Variants in DSCAM observed in about 807,000 individuals in gnomAD.
DSCAM encodes the protein cell adhesion molecule DSCAM.
Under a neutral mutation model 217.7 loss-of-function variants are expected in DSCAM, and 47 were observed. The observed-to-expected ratio is 0.22, with a 90% CI of 0.17 to 0.28. The LOEUF (loss-of-function observed/expected upper bound fraction) is 0.28, where lower values mean the gene tolerates loss of function less well. Ranked by LOEUF, DSCAM falls within the 10% of genes least tolerant of loss-of-function variation. DSCAM has a pLI of 1.00. For synonymous variants in DSCAM, 1,056 were observed against 1,015.3 expected (o/e 1.04, Z -0.76); for missense variants, 2,080 against 2,618.3 (o/e 0.79, Z 4.49).
chr21:40,349,029 T>C (rs1288315625), intron 5 of DSCAM, among the ~76,000 whole-genome samples: 1 of 148,174 alleles, frequency 6.7e-6, no homozygotes, highest in Non-Finnish European at 1.5e-5. Context: ...CCCATGTACT[T>C]GGGAGGCTGA....
chr21:40,226,523 T>C (rs1360546244), intron 11 of DSCAM, among the ~76,000 whole-genome samples: 1 of 152,142 alleles, frequency 6.6e-6, no homozygotes, highest in Non-Finnish European at 1.5e-5. Context: ...GAAAGAAATA[T>C]AGATACGGAC....
intron 32 of DSCAM, among the ~76,000 whole-genome samples, chr21:40,025,915 T>G: frequency 1.3e-5 from 2 of 150,030 alleles, no homozygotes; most frequent in Non-Finnish European, 3.0e-5. Context: ...TTCTGCTAGC[T>G]TTTGAATGTG....
intron 11 of DSCAM, among the ~76,000 whole-genome samples, chr21:40,199,990 A>G (rs1184886525): frequency 1.3e-5 from 2 of 151,414 alleles, no homozygotes; most frequent in East Asian, 3.9e-4. Flanking sequence ...TCCCAGTCAC[A>G]GCGAATACTT....
intron 3 of DSCAM, among the ~76,000 whole-genome samples, chr21:40,617,447 T>C (rs2089418032): frequency 6.6e-6 from 1 of 152,046 alleles, no homozygotes; most frequent in African/African-American, 2.4e-5. Context: ...GAGTAAATGT[T>C]GCTGCTGCCA....
chr21:40,295,306 T>G (rs9977943), intron 10 of DSCAM, among the ~76,000 whole-genome samples: 45,997 of 152,080 alleles, frequency 0.3, 7,232 homozygotes, highest in South Asian at 0.39. Context: ...CCAATATGTT[T>G]GCAAGTACCG....
At chr21:40,464,699 C>T (rs944779272) in intron 3 of DSCAM, among the ~76,000 whole-genome samples, 5 of 152,018 alleles carry the variant, frequency 3.3e-5, no homozygotes, top group African/African-American at 7.2e-5. Context: ...GGATTCTCTG[C>T]ATCTGTTCCT....
At chr21:40,844,404 A>G (rs955117717) in intron 1 of DSCAM, among the ~76,000 whole-genome samples, 5 of 152,202 alleles carry the variant, frequency 3.3e-5, no homozygotes, top group African/African-American at 1.2e-4. Flanking sequence ...GGGCATTTTT[A>G]TACAAGACAG....
rs192577477 is a variant in DSCAM at position 40,093,376 on chromosome 21, A to G, written c.3850+345T>C. Among the ~76,000 whole-genome samples, 351 of 152,332 alleles carry G rather than the reference A, an allele frequency of 2.3e-3. 8 individuals carry two copies. The highest frequency in any genetic ancestry group is 0.019 in the Admixed American group (294 of 15,294). ...ACTATAAAATAGACATTTCTCATTA[A>G]GAAGTGTGATACCTGATTTTGCTGA... On this transcript the variant is annotated intron_variant, in intron 21 of 32. Transcript: ENST00000400454.
At chr21:40,301,694 C>T (rs1285467249) in intron 9 of DSCAM, among the ~76,000 whole-genome samples, 6 of 125,360 alleles carry the variant, frequency 4.8e-5, no homozygotes, top group Non-Finnish European at 4.7e-5. Flanking sequence ...TTCTCACAGG[C>T]CATGGCATGC....
Position 40,637,430 on chromosome 21 carries a change from T to TAC in DSCAM, c.508+55379_508+55380insGT, listed in dbSNP as rs1474120285. Among the ~76,000 whole-genome samples, 2 of 16,616 alleles carry TAC rather than the reference T, an allele frequency of 1.2e-4. 1 individual carries two copies. The highest frequency in any genetic ancestry group is 4.9e-4 in the African/African-American group (2 of 4,058). 10.9% of individuals were successfully genotyped at this position (16,616 alleles called of 152,430 possible). ...AAATATAAATATATATATAAATATA[T>TAC]AAATATAAATATATATATAAATATA... On this transcript the variant is annotated intron_variant, in intron 3 of 32. Coordinates refer to ENST00000400454, the MANE Select transcript of DSCAM (RefSeq NM_001389.5).
At chr21:40,652,093 T>C (rs2090020581) in intron 3 of DSCAM, among the ~76,000 whole-genome samples, 1 of 151,808 alleles carries the variant, frequency 6.6e-6, no homozygotes. Flanking sequence ...GTCAAGTTAC[T>C]TTTAGCTGGT....
At chr21:40,247,263 T>G (rs760460191) in intron 11 of DSCAM, among the ~76,000 whole-genome samples, 5 of 152,096 alleles carry the variant, frequency 3.3e-5, no homozygotes, top group Non-Finnish European at 7.4e-5. Flanking sequence ...TCCTCACATT[T>G]CAAAAACAAT....
chr21:40,156,405 T>C (rs1490945001), intron 16 of DSCAM, among the ~76,000 whole-genome samples: 2 of 152,046 alleles, frequency 1.3e-5, no homozygotes, highest in African/African-American at 4.8e-5. Context: ...TTTGTCATTT[T>C]TGCTAAGTAT....
chr21:40,686,234 TCACACAC>T (rs1358939196), intron 3 of DSCAM, among the ~76,000 whole-genome samples: 1 of 23,412 alleles, frequency 4.3e-5, no homozygotes, highest in Non-Finnish European at 1.2e-4. Context: ...CACACAGAGC[TCACACAC>T]CACACACAGC....
chr21:40,029,036 C>T (rs956247334), intron 32 of DSCAM, among the ~76,000 whole-genome samples: 3 of 152,042 alleles, frequency 2.0e-5, no homozygotes, highest in Non-Finnish European at 4.4e-5. Flanking sequence ...TTATTGTCTT[C>T]TTCCATAAGG....
At chr21:40,518,557 C>T (rs1260825971) in intron 3 of DSCAM, among the ~76,000 whole-genome samples, 3 of 71,900 alleles carry the variant, frequency 4.2e-5, no homozygotes, top group African/African-American at 2.3e-4. Context: ...CACACATATA[C>T]ACACACACAT....
intron 4 of DSCAM, among the ~76,000 whole-genome samples, chr21:40,360,021 C>A (rs76853948): frequency 6.7e-6 from 1 of 148,798 alleles, no homozygotes; most frequent in South Asian, 2.1e-4. Flanking sequence ...TAGATATAGG[C>A]GGTATATGTG....
chr21:40,406,807 C>T (rs1184274919), intron 3 of DSCAM, among the ~76,000 whole-genome samples: 1 of 152,080 alleles, frequency 6.6e-6, no homozygotes, highest in Non-Finnish European at 1.5e-5. Flanking sequence ...TTAGTAGAGA[C>T]AGGGTTTCAC....
intron 14 of DSCAM, 129 bp downstream of exon 14, chr21:40,187,001 CT>C: frequency 8.8e-7 from 1 of 1,139,574 alleles, no homozygotes; most frequent in Non-Finnish European, 1.2e-6. Flanking sequence ...AGCAAGGAGA[CT>C]GGGGGAAGTG....
Sources: gnomAD v4.1 joint callset for allele counts (sites outside exome capture counted in the v4.1 genomes callset) on GRCh38, gnomAD v4.1.1 for gene constraint, MANE v1.5 for transcripts, NCBI Gene and HGNC (gene_info 2026-07-23, HGNC 2026-07-21) for gene names.